CRACD: variants seen among roughly 807,000 people sequenced by gnomAD.
CRACD encodes the protein capping protein inhibiting regulator of actin dynamics.
CRACD carries 56 observed loss-of-function variants against 106.8 expected under a neutral mutation model. The observed-to-expected ratio is 0.52, with a 90% CI of 0.42 to 0.66. The LOEUF (loss-of-function observed/expected upper bound fraction) is 0.66, where lower values mean the gene tolerates loss of function less well. Ranked by LOEUF, CRACD falls within the 30% of genes least tolerant of loss-of-function variation. The pLI is 0.00. For synonymous variants in CRACD, 754 were observed against 670.8 expected, an observed-to-expected ratio of 1.12 and a Z score of -1.92; for missense variants, 1,730 against 1,623.2, an observed-to-expected ratio of 1.07 and a Z score of -1.13.
At chr4:56,053,049 G>A (rs970458197) in intron 1 of CRACD, among the ~76,000 whole-genome samples, 1 of 152,144 alleles carries the variant, frequency 6.6e-6, no homozygotes, top group African/African-American at 2.4e-5. Flanking sequence ...AGGTTTTTGT[G>A]ATAGAGTCAA....
Position 56,328,117 on chromosome 4 carries a change from A to C in CRACD, c.*313A>C. On this transcript the variant is annotated 3_prime_UTR_variant, in exon 11 of 11. Coordinates refer to ENST00000682029, the MANE Select transcript of CRACD (RefSeq NM_001393381.1). ...ATGCCCATTTCATGGCCTTGCACAC[A>C]CACCCACCCACACACCATTCAGAAC... The C allele has an allele frequency of 2.7e-6, 1 of 369,188 alleles. No individual in the cohort carries two copies. The highest frequency in any genetic ancestry group is 5.2e-6 in the Non-Finnish European group (1 of 193,796). The allele number at this position is 369,188 out of a possible 1,614,324, so 22.9% of individuals were successfully genotyped here.
Position 56,188,711 on chromosome 4 carries a change from C to CACACACACAGAGAGAGAG in CRACD, c.-189+9282_-189+9283insCACACACAGAGAGAGAGA, listed in dbSNP as rs1446016845. Among the ~76,000 whole-genome samples the CACACACACAGAGAGAGAG allele has an allele frequency of 2.8e-3, 318 of 113,000 alleles. 3 individuals are homozygous for CACACACACAGAGAGAGAG. The highest frequency in any genetic ancestry group is 0.012 in the African/African-American group (303 of 25,700). The allele number at this position is 113,000 out of a possible 152,430, so 74.1% of individuals were successfully genotyped here. On this transcript the variant is annotated intron_variant, in intron 2 of 10. Transcript: ENST00000682029. Reference sequence around the variant, plus strand: ...TCACACACACACACACACACACACACAGAGAGAGAGAGAGAGAGAGAGAGG... The same window carrying CACACACACAGAGAGAGAG: ...TCACACACACACACACACACACACACACACACACAGAGAGAGAGAGAGAGAGAGAGAGAGAGAGAGAGG...
chr4:56,316,363 A>G lies in CRACD; in HGVS notation c.2861A>G (p.Lys954Arg). The G allele has an allele frequency of 6.2e-7, 1 of 1,614,090 alleles. No individual in the cohort carries two copies. The highest frequency in any genetic ancestry group is 8.5e-7 in the Non-Finnish European group (1 of 1,179,942). The change falls in exon 8 of 11, where the codon AAA becomes AGA. Residue 954 changes from lysine (K) to arginine (R), a missense_variant. By Grantham distance (26) the Lys-to-Arg change is conservative. This residue lies in a region of CRACD where 1,620 missense variants were observed against 1,481.6 expected (regional missense o/e 1.09). Transcript: ENST00000682029. ...CCGGAGCACGACAAGGCAGCAAACA[A>G]AATGCCACTGGCACAAAAGCCAGCA... ...PAPEHDKAAN[K>R]MPLAQKPALA...
chr4:56,325,632 A>G (rs1485754017), intron 10 of CRACD, among the ~76,000 whole-genome samples: 1 of 152,218 alleles, frequency 6.6e-6, no homozygotes, highest in Non-Finnish European at 1.5e-5. Context: ...AATATTCTTT[A>G]TTTGGTTAAA....
Position 56,327,724 on chromosome 4 carries a change from G to T in CRACD, c.3622G>T (p.Val1208Leu). The change falls in exon 11 of 11, where the codon GTG becomes TTG. Residue 1208 changes from valine to leucine, a missense_variant. Transcript: ENST00000682029. ...KRFSTPDAAP[V>L]STEPAWLALA... ...GTTTTCCACCCCGGATGCTGCCCCC[G>T]TGTCAACAGAACCAGCCTGGCTGGC... 1.9e-6 allele frequency: 3 copies of T among 1,614,118 alleles called. No homozygotes were observed. Among genetic ancestry groups the T allele is most frequent in the Non-Finnish European group, 2.5e-6 (3 of 1,180,014 alleles).
intron 3 of CRACD, 182 bp from the exon 4 acceptor site, chr4:56,298,032 G>A (rs1010506332): frequency 1.7e-6 from 1 of 572,812 alleles, no homozygotes; most frequent in African/African-American, 1.9e-5. Context: ...GTAAGAGATG[G>A]GGACCCTTTT....
intron 2 of CRACD, among the ~76,000 whole-genome samples, chr4:56,269,715 G>A (rs1399407489): frequency 6.6e-6 from 1 of 151,756 alleles, no homozygotes; most frequent in South Asian, 2.1e-4. Flanking sequence ...ACAGGCACAC[G>A]CCACCACACC....
At chr4:56,323,252 C>A in intron 8 of CRACD, 125 bp from the exon 9 acceptor site, 2 of 764,382 alleles carry the variant, frequency 2.6e-6, no homozygotes, top group South Asian at 2.0e-5. Context: ...AGAGGTTGTG[C>A]TAGGAAGGGG....
Position 56,269,375 on chromosome 4 carries a change from C to A in CRACD, c.-188-2946C>A, listed in dbSNP as rs1291686852. Among the ~76,000 whole-genome samples the A allele has an allele frequency of 2.0e-5, 3 of 151,412 alleles. No individual in the cohort carries two copies. In the East Asian group the frequency reaches 5.8e-4, roughly 29 times the overall value. ...TCCAACCTGGGCGACAGAGTGAGAC[C>A]CTCTCGCAAAGTAAAAAAAAAAAAA... On this transcript the variant is annotated intron_variant, in intron 2 of 10. Transcript: ENST00000682029.
At chr4:56,305,718 C>T (rs1247637412) in intron 4 of CRACD, among the ~76,000 whole-genome samples, 1 of 152,212 alleles carries the variant, frequency 6.6e-6, no homozygotes, top group African/African-American at 2.4e-5. Context: ...CCTGGCTGTG[C>T]TCCTGACTTG....
chr4:56,110,326 T>G (rs1472710587), intron 1 of CRACD, among the ~76,000 whole-genome samples: 1 of 152,072 alleles, frequency 6.6e-6, no homozygotes, highest in Non-Finnish European at 1.5e-5. Flanking sequence ...GCCTCAAAAA[T>G]TTTACTTCCT....
intron 2 of CRACD, among the ~76,000 whole-genome samples, chr4:56,205,052 A>G (rs1256813153): frequency 6.6e-6 from 1 of 152,126 alleles, no homozygotes; most frequent in African/African-American, 2.4e-5. Flanking sequence ...GCTACTTGGG[A>G]GCCTGAGGTG....
chr4:56,243,538 T>G (rs1468058859), intron 2 of CRACD, among the ~76,000 whole-genome samples: 1 of 152,226 alleles, frequency 6.6e-6, no homozygotes, highest in African/African-American at 2.4e-5. Context: ...AACACCTGGC[T>G]TTTTGCTCAA....
Position 56,316,672 on chromosome 4 carries a change from C to T in CRACD, c.3170C>T (p.Pro1057Leu), listed in dbSNP as rs377260271. Reference protein sequence around the residue: ...ATQQEKPSQTPEAGRKEKPML... With the variant: ...ATQQEKPSQTLEAGRKEKPML... The stretch of plus-strand genomic sequence containing the variant: ...CAGCAAGAGAAACCTTCTCAAACAC[C>T]CGAGGCCGGGAGGAAAGGTAGGTAG... Residue 1057 changes from proline (P) to leucine (L), a missense_variant, in exon 8 of 11, where the codon CCC (proline) becomes CTC (leucine). By Grantham distance (98) the Pro-to-Leu change is moderately conservative (BLOSUM62 -3). Around this residue, in one of 5 missense-constraint regions of CRACD, gnomAD observed 1,620 missense variants for 1,481.6 expected, o/e 1.09. Transcript: ENST00000682029. 1.7e-5 allele frequency: 28 copies of T among 1,608,956 alleles called. No homozygotes were observed. The highest frequency in any genetic ancestry group is 5.0e-5 in the Admixed American group (3 of 59,914).
intron 3 of CRACD, among the ~76,000 whole-genome samples, chr4:56,292,231 G>A (rs11133435): frequency 0.31 from 47,331 of 152,012 alleles, 8,067 homozygotes; most frequent in East Asian, 0.61. Context: ...CTGTTGAAAG[G>A]AATTTTTAAG....
intron 2 of CRACD, among the ~76,000 whole-genome samples, chr4:56,192,557 A>C (rs145854436): frequency 0.013 from 1,962 of 152,312 alleles, 23 homozygotes; most frequent in Non-Finnish European, 0.02. Flanking sequence ...GAAGAGGTTC[A>C]TGATGAGGAA....
chr4:56,263,184 C>A (rs553936086), intron 2 of CRACD, among the ~76,000 whole-genome samples: 1 of 152,128 alleles, frequency 6.6e-6, no homozygotes, highest in Admixed American at 6.5e-5. Context: ...GGCAGGCTTT[C>A]TAGAGAATGT....
chr4:56,101,274 C>T (rs539226451), intron 1 of CRACD, among the ~76,000 whole-genome samples: 4 of 151,130 alleles, frequency 2.6e-5, no homozygotes, highest in Admixed American at 6.6e-5. Flanking sequence ...GTTGTTGTTG[C>T]TGTTATATTT....
At chr4:56,135,240 G>A (rs1734966110) in intron 1 of CRACD, among the ~76,000 whole-genome samples, 2 of 152,128 alleles carry the variant, frequency 1.3e-5, no homozygotes, top group South Asian at 4.1e-4. Flanking sequence ...AGCTGAGATT[G>A]TGCCACTGCA....
Sources: allele counts gnomAD v4.1 joint callset (sites outside exome capture counted in the v4.1 genomes callset), GRCh38; gene constraint gnomAD v4.1.1; regional missense constraint gnomAD v4.1.1; transcripts MANE v1.5; gene names NCBI Gene and HGNC (gene_info 2026-07-23, HGNC 2026-07-21).